Variants in SGIP1 observed in about 807,000 individuals in gnomAD.
SGIP1 encodes SH3GL interacting endocytic adaptor 1, also known as SH3-containing GRB2-like protein 3-interacting protein 1.
In SGIP1, 38 loss-of-function variants were observed where a neutral mutation model predicts 107.5. The ratio of observed to expected loss-of-function variants is 0.35; its 90% CI spans 0.27 to 0.46. The LOEUF is 0.46. Ranked by LOEUF, SGIP1 falls within the 20% of genes least tolerant of loss-of-function variation. SGIP1 has a pLI of 1.00. For missense variants in SGIP1, 929 were observed against 1,019.5 expected, an observed-to-expected ratio of 0.91 and a Z score of 1.21; for synonymous variants, 365 against 366.1, an observed-to-expected ratio of 1.00 and a Z score of 0.03.
intron 17 of SGIP1, chr1:66,694,663 T>G: frequency 2.1e-6 from 1 of 466,716 alleles, no homozygotes; most frequent in Non-Finnish European, 3.6e-6. Context: ...ATGGAACTCG[T>G]GCCACTGAAA....
At chr1:66,573,816 A>G (rs2060706404) in intron 1 of SGIP1, among the ~76,000 whole-genome samples, 1 of 152,108 alleles carries the variant, frequency 6.6e-6, no homozygotes, top group Non-Finnish European at 1.5e-5. Flanking sequence ...ACTAGGCTTA[A>G]TACCCAGGTG....
chr1:66,549,683 C>G (rs970600038), intron 1 of SGIP1, among the ~76,000 whole-genome samples: 1 of 152,190 alleles, frequency 6.6e-6, no homozygotes, highest in African/African-American at 2.4e-5. Flanking sequence ...TTCCCCAGAA[C>G]TTGCTACAAG....
At chr1:66,663,830 T>C (rs1374551106) in intron 8 of SGIP1, among the ~76,000 whole-genome samples, 2 of 152,330 alleles carry the variant, frequency 1.3e-5, no homozygotes, top group East Asian at 3.9e-4. Context: ...GAAATTAAGA[T>C]ACAACTCAAT....
chr1:66,722,252 A>AT (rs1352497968), intron 19 of SGIP1, among the ~76,000 whole-genome samples: 5 of 151,966 alleles, frequency 3.3e-5, no homozygotes, highest in African/African-American at 1.2e-4. Flanking sequence ...TCCCTTCATG[A>AT]TTCTTCAGTA....
At chr1:66,737,934 T>C (rs568378463) in intron 21 of SGIP1, among the ~76,000 whole-genome samples, 9 of 151,994 alleles carry the variant, frequency 5.9e-5, no homozygotes, top group Admixed American at 6.6e-5. Flanking sequence ...CCCCCAGAAA[T>C]TGGGACGATC....
At chr1:66,598,396 CA>C (rs1394034384) in intron 1 of SGIP1, among the ~76,000 whole-genome samples, 1 of 152,140 alleles carries the variant, frequency 6.6e-6, no homozygotes, top group Non-Finnish European at 1.5e-5. Context: ...TTAAATTTCC[CA>C]GGAAAACGAA....
At chr1:66,712,981 A>G (rs537838652) in intron 18 of SGIP1, among the ~76,000 whole-genome samples, 28 of 152,174 alleles carry the variant, frequency 1.8e-4, no homozygotes, top group Non-Finnish European at 3.5e-4. Context: ...AATGGCAGCA[A>G]CTCATCCTTC....
chr1:66,588,278 CA>C (rs148286070), intron 1 of SGIP1, among the ~76,000 whole-genome samples: 5,660 of 152,166 alleles, frequency 0.037, 366 homozygotes, highest in African/African-American at 0.13. Context: ...AGTATTAAGG[CA>C]AATACTGCTG....
At chr1:66,586,683 A>AT in intron 1 of SGIP1, among the ~76,000 whole-genome samples, 2 of 152,224 alleles carry the variant, frequency 1.3e-5, no homozygotes, top group East Asian at 3.9e-4. Flanking sequence ...AAGTATTATA[A>AT]TTTTTGCATA....
chr1:66,669,298 G>A (rs780965049), intron 9 of SGIP1, among the ~76,000 whole-genome samples: 68 of 152,296 alleles, frequency 4.5e-4, no homozygotes, highest in Non-Finnish European at 7.6e-4. Flanking sequence ...ACTACAAAAG[G>A]AGCTCTGTAG....
chr1:66,690,273 A>G lies in SGIP1; in HGVS notation c.1527A>G (p.Ile509Met). The G allele has an allele frequency of 1.2e-6, 2 of 1,614,142 alleles. No individual in the cohort carries two copies. Among genetic ancestry groups the G allele is most frequent in the Non-Finnish European group, 1.7e-6 (2 of 1,180,018 alleles). ...CGCGGGCTGAAAGCACTTCTTCAAT[A>G]TCGTCAACCAATTCCTTGAGCGCAG... ...PLARAESTSS[I>M]SSTNSLSAAT... Residue 509 changes from isoleucine (I) to methionine (M), a missense_variant, in exon 17 of 25, where the codon ATA becomes ATG. Coordinates refer to ENST00000371037, the MANE Select transcript of SGIP1 (RefSeq NM_032291.4).
chr1:66,672,950 C>G (rs1271621753), intron 11 of SGIP1, among the ~76,000 whole-genome samples: 1 of 152,094 alleles, frequency 6.6e-6, no homozygotes, highest in African/African-American at 2.4e-5. Flanking sequence ...TTGCAATAAA[C>G]TCAGCTCTAG....
intron 1 of SGIP1, among the ~76,000 whole-genome samples, chr1:66,605,128 G>A (rs2066580097): frequency 6.6e-6 from 1 of 152,056 alleles, no homozygotes; most frequent in African/African-American, 2.4e-5. Context: ...CACTTCCATG[G>A]AACAAAGGGA....
chr1:66,656,428 T>C (rs2079791461), intron 7 of SGIP1, among the ~76,000 whole-genome samples: 1 of 152,220 alleles, frequency 6.6e-6, no homozygotes, highest in Non-Finnish European at 1.5e-5. Flanking sequence ...AACAGCCATT[T>C]ATATAATCAA....
intron 1 of SGIP1, among the ~76,000 whole-genome samples, chr1:66,595,920 G>A (rs892300872): frequency 2.0e-5 from 3 of 152,202 alleles, no homozygotes; most frequent in Non-Finnish European, 4.4e-5. Context: ...GTTTGAGGAG[G>A]GGGAGGAGGA....
rs77409356 is a variant in SGIP1, at chr1:66,702,729, C to T, written c.1630+7236C>T. 5.3e-3 allele frequency among the ~76,000 whole-genome samples: 810 copies of T among 152,246 alleles called. 9 individuals are homozygous for T. The highest frequency in any genetic ancestry group is 0.018 in the African/African-American group (740 of 41,548). The stretch of plus-strand genomic sequence containing the variant: ...CTCACTGATAATGTAGTTTCTTCCT[C>T]TTATGGCCATAATGGTCCAAAACAC... On this transcript the variant is annotated intron_variant, in intron 18 of 24. Coordinates refer to ENST00000371037, the MANE Select transcript of SGIP1 (RefSeq NM_032291.4).
chr1:66,640,795 A>G (rs1032619022), intron 5 of SGIP1, among the ~76,000 whole-genome samples: 2 of 151,736 alleles, frequency 1.3e-5, no homozygotes, highest in Non-Finnish European at 2.9e-5. Flanking sequence ...AAAAAAAGCA[A>G]CTCTGAGAAC....
At chr1:66,620,041 A>G (rs2070550193) in intron 1 of SGIP1, among the ~76,000 whole-genome samples, 1 of 152,206 alleles carries the variant, frequency 6.6e-6, no homozygotes. Context: ...TGTAACATTT[A>G]AAAGTGGCTC....
chr1:66,614,817 T>TTTC (rs2068837575), intron 1 of SGIP1, among the ~76,000 whole-genome samples: 1 of 135,496 alleles, frequency 7.4e-6, no homozygotes, highest in East Asian at 2.1e-4. Context: ...GTCTTTTTTT[T>TTTC]TTTTTTTTTT....
Sources: gnomAD v4.1 joint callset for allele counts (sites outside exome capture counted in the v4.1 genomes callset) on GRCh38, gnomAD v4.1.1 for gene constraint, MANE v1.5 for transcripts, NCBI Gene and HGNC (gene_info 2026-07-23, HGNC 2026-07-21) for gene names.